CAAP1: variants seen among roughly 807,000 people sequenced by gnomAD.
CAAP1 encodes the protein caspase activity and apoptosis inhibitor 1, also known as conserved anti-apoptotic protein.
Under a neutral mutation model 34.0 loss-of-function variants are expected in CAAP1, and 20 were observed. That is an observed-to-expected ratio of 0.59 (90% CI 0.41 to 0.86). CAAP1 has a LOEUF of 0.86. Ranked by LOEUF, CAAP1 falls within the 40% of genes least tolerant of loss-of-function variation. CAAP1 has a pLI of 0.00. For missense variants in CAAP1, 538 were observed against 450.5 expected (o/e 1.19, Z -1.76); for synonymous variants, 213 against 166.7 (o/e 1.28, Z -2.14).
At chr9:26,859,898 C>T (rs889106397) in intron 5 of CAAP1, among the ~76,000 whole-genome samples, 2 of 152,200 alleles carry the variant, frequency 1.3e-5, no homozygotes, top group African/African-American at 4.8e-5. Context: ...ATTTTGCTCT[C>T]TCTACATATA....
intron 4 of CAAP1, among the ~76,000 whole-genome samples, chr9:26,875,552 A>C (rs1314356696): frequency 1.3e-5 from 2 of 152,216 alleles, no homozygotes; most frequent in Non-Finnish European, 2.9e-5. Context: ...TTCTTCTTTA[A>C]AAAAGCTGTA....
In CAAP1 at chr9:26,861,097, A is replaced by C; in HGVS notation, c.708T>G (p.Asn236Lys). 6.2e-7 allele frequency: 1 copy of C among 1,612,138 alleles called. No individual in the cohort carries two copies. The highest frequency in any genetic ancestry group is 8.5e-7 in the Non-Finnish European group (1 of 1,178,466). Residue 236 changes from asparagine (N) to lysine (K), a missense_variant, in exon 5 of 6, where the codon AAT becomes AAG. Asn to Lys is a moderately conservative substitution (Grantham distance 94). This residue lies in a region of CAAP1 where 514 missense variants were observed against 408.4 expected (regional missense o/e 1.26). Transcript: ENST00000333916. The stretch of plus-strand genomic sequence containing the variant: ...TTAATTCCAAACCTTCAGGTTGCTT[A>C]TTCTCTCTCACGGATGAAGCAGAAT... ...CIDSASSVRE[N>K]KQPEGLELKQ...
intron 4 of CAAP1, among the ~76,000 whole-genome samples, chr9:26,880,804 T>A (rs1167181401): frequency 6.6e-6 from 1 of 152,170 alleles, no homozygotes; most frequent in Non-Finnish European, 1.5e-5. Context: ...GCCTCCCAAG[T>A]AGCTGGGATT....
At chr9:26,866,138 C>G (rs976100100) in intron 4 of CAAP1, among the ~76,000 whole-genome samples, 1 of 145,704 alleles carries the variant, frequency 6.9e-6, no homozygotes, top group African/African-American at 2.8e-5. Context: ...TGAGCCACCA[C>G]ACACATGGCC....
At chr9:26,884,982 A>C (rs1823696255) in intron 3 of CAAP1, 97 bp from the exon 4 acceptor site, 2 of 910,556 alleles carry the variant, frequency 2.2e-6, no homozygotes, top group Admixed American at 2.3e-5. Flanking sequence ...AGTGATGCAG[A>C]TTAAAGAACT....
At chr9:26,857,293 G>T (rs779761787) in intron 5 of CAAP1, among the ~76,000 whole-genome samples, 25 of 152,198 alleles carry the variant, frequency 1.6e-4, no homozygotes, top group Non-Finnish European at 3.2e-4. Context: ...AACTATAACT[G>T]ATGTTTCTTA....
chr9:26,888,739 T>C (rs1217420336), intron 1 of CAAP1, among the ~76,000 whole-genome samples: 1 of 152,206 alleles, frequency 6.6e-6, no homozygotes, highest in East Asian at 1.9e-4. Context: ...AGCAATTCCA[T>C]TGCTAGATAT....
chr9:26,865,539 T>G (rs1051006884), intron 4 of CAAP1, among the ~76,000 whole-genome samples: 2 of 149,978 alleles, frequency 1.3e-5, no homozygotes, highest in African/African-American at 2.5e-5. Context: ...AAAAAAAAAA[T>G]TATTGGTTTC....
chr9:26,866,331 T>C (rs184076000), intron 4 of CAAP1, among the ~76,000 whole-genome samples: 1 of 152,258 alleles, frequency 6.6e-6, no homozygotes, highest in East Asian at 1.9e-4. Context: ...ACAGAATAGT[T>C]TGCACAATAT....
chr9:26,842,582 G>A lies in CAAP1; in HGVS notation c.805C>T (p.Pro269Ser). 1.2e-6 allele frequency: 2 copies of A among 1,614,034 alleles called. No homozygotes were observed. Among genetic ancestry groups the A allele is most frequent in the African/African-American group, 2.7e-5 (2 of 74,986 alleles). Residue 269 changes from proline (P) to serine (S), a missense_variant, in exon 6 of 6, where the codon CCA (proline) becomes TCA (serine). By Grantham distance (74) the Pro-to-Ser change is moderately conservative (BLOSUM62 -1). Around this residue, in one of 3 missense-constraint regions of CAAP1, gnomAD observed 514 missense variants for 408.4 expected, o/e 1.26. Transcript: ENST00000333916. ...ADAYDSDIEG[P>S]CNEEAAAPEA... ...GGAGCAGCTGCTTCTTCGTTGCATG[G>A]GCCTTCTATGTCGCTGTCATAAGCA...
At chr9:26,867,223 T>C (rs1455700452) in intron 4 of CAAP1, among the ~76,000 whole-genome samples, 1 of 152,208 alleles carries the variant, frequency 6.6e-6, no homozygotes. Flanking sequence ...TGGGGATCGC[T>C]GCTCTATAGA....
In CAAP1 at chr9:26,887,513, C is replaced by T; in HGVS notation, c.304G>A (p.Glu102Lys). 1 of 1,572,388 alleles carries T rather than the reference C, an allele frequency of 6.4e-7. No individual in the cohort carries two copies. The highest frequency in any genetic ancestry group is 8.6e-7 in the Non-Finnish European group (1 of 1,156,272). ...AAAGTTGGCAAAATATATTTAGTTTCCTAAAGTTAAAAGAATAAAGAACCA... is the reference window on the plus strand; with the variant it reads ...AAAGTTGGCAAAATATATTTAGTTTTCTAAAGTTAAAAGAATAAAGAACCA... ...SSSVSGSLQQ[E>K]TKYILPTLEK... The change falls in exon 2 of 6, where the codon GAA (glutamate) becomes AAA (lysine). Residue 102 changes from glutamate (E) to lysine (K), a missense_variant and splice_region_variant. By Grantham distance (56) the Glu-to-Lys change is moderately conservative (BLOSUM62 1). Coordinates refer to ENST00000333916, the MANE Select transcript of CAAP1 (RefSeq NM_024828.4).
At chr9:26,886,407 T>C (rs1180247661) in intron 2 of CAAP1, among the ~76,000 whole-genome samples, 5 of 152,182 alleles carry the variant, frequency 3.3e-5, no homozygotes, top group African/African-American at 1.2e-4. Flanking sequence ...TAAACTTGTA[T>C]TTACTATCAA....
chr9:26,870,494 T>C (rs1173107452), intron 4 of CAAP1, among the ~76,000 whole-genome samples: 2 of 150,618 alleles, frequency 1.3e-5, no homozygotes, highest in African/African-American at 4.9e-5. Context: ...GTCAATTTCC[T>C]AAGTGGGTAA....
chr9:26,859,259 C>CT (rs1822949886), intron 5 of CAAP1, among the ~76,000 whole-genome samples: 1 of 152,086 alleles, frequency 6.6e-6, no homozygotes, highest in Non-Finnish European at 1.5e-5. Context: ...CCTCTCTGCA[C>CT]CTTCATGACT....
chr9:26,874,445 T>C (rs992652243), intron 4 of CAAP1, among the ~76,000 whole-genome samples: 7 of 152,250 alleles, frequency 4.6e-5, no homozygotes, highest in African/African-American at 7.2e-5. Context: ...GTACCCCTAT[T>C]GTGCTACTGA....
At chr9:26,864,118 C>A (rs1030900211) in intron 4 of CAAP1, among the ~76,000 whole-genome samples, 1 of 152,068 alleles carries the variant, frequency 6.6e-6, no homozygotes. Flanking sequence ...TTTAAAGCAG[C>A]TTAATTTACA....
chr9:26,846,786 C>A (rs892171047), intron 5 of CAAP1, among the ~76,000 whole-genome samples: 1 of 152,046 alleles, frequency 6.6e-6, no homozygotes, highest in Non-Finnish European at 1.5e-5. Flanking sequence ...CTCCCAGGTT[C>A]AAGCAATTCT....
intron 4 of CAAP1, among the ~76,000 whole-genome samples, chr9:26,876,784 C>T (rs1328746547): frequency 6.6e-6 from 1 of 152,090 alleles, no homozygotes; most frequent in African/African-American, 2.4e-5. Context: ...ATTTTTTGAG[C>T]ACCAACATAA....
Sources: allele counts gnomAD v4.1 joint callset (sites outside exome capture counted in the v4.1 genomes callset), GRCh38; gene constraint gnomAD v4.1.1; regional missense constraint gnomAD v4.1.1; transcripts MANE v1.5; gene names NCBI Gene and HGNC (gene_info 2026-07-23, HGNC 2026-07-21).